Variants in DLC1 observed in about 807,000 individuals in gnomAD.
The protein encoded by DLC1 is DLC1 Rho GTPase activating protein.
DLC1 carries 54 observed loss-of-function variants against 140.3 expected under a neutral mutation model. That is an observed-to-expected ratio of 0.38 (90% CI 0.31 to 0.48). The LOEUF is 0.48. Among genes scored for constraint, DLC1 ranks in the 20% least tolerant of loss-of-function variants. The probability of loss-of-function intolerance (pLI) is 0.96; values close to 1 mark genes in which losing one functional copy is unlikely to be tolerated. For synonymous variants in DLC1, 986 were observed against 728.1 expected (o/e 1.35, Z -5.70); for missense variants, 2,536 against 1,907.0 (o/e 1.33, Z -6.14).
rs973808696 is a variant in DLC1, at chr8:13,419,999, G to A, written c.1024-18380C>T. On this transcript the variant is annotated intron_variant, in intron 2 of 17. Coordinates refer to ENST00000276297, the MANE Select transcript of DLC1 (RefSeq NM_182643.3). ...CTTCTAGATTTTCTAGTTTATTTGC[G>A]TAGAGGTGTTTGTAGTATTCTCTGA... is the stretch of plus-strand genomic sequence containing the variant. Among the ~76,000 whole-genome samples the A allele has an allele frequency of 2.0e-3, 299 of 152,206 alleles. 1 individual carries two copies. Among genetic ancestry groups the A allele is most frequent in the African/African-American group, 6.5e-3 (269 of 41,544 alleles).
At chr8:13,427,502 A>G (rs1266858119) in intron 2 of DLC1, among the ~76,000 whole-genome samples, 1 of 152,208 alleles carries the variant, frequency 6.6e-6, no homozygotes, top group Non-Finnish European at 1.5e-5. Flanking sequence ...ATTTAAAAGC[A>G]TCCCTGGATC....
chr8:13,285,073 A>T (rs9650361), intron 5 of DLC1, among the ~76,000 whole-genome samples: 7,897 of 152,280 alleles, frequency 0.052, 283 homozygotes, highest in South Asian at 0.084. Flanking sequence ...AAGGAGCCAA[A>T]ACAATTTTGA....
intron 2 of DLC1, among the ~76,000 whole-genome samples, chr8:13,409,951 T>C (rs371162849): frequency 6.6e-6 from 1 of 152,104 alleles, no homozygotes; most frequent in African/African-American, 2.4e-5. Flanking sequence ...ACAGCTAGGT[T>C]TGAGGAACAT....
intron 4 of DLC1, among the ~76,000 whole-genome samples, chr8:13,353,044 A>C (rs966995543): frequency 6.6e-6 from 1 of 152,140 alleles, no homozygotes; most frequent in Non-Finnish European, 1.5e-5. Flanking sequence ...TACCATATAT[A>C]TATAGTCCCA....
Position 13,099,475 on chromosome 8 carries a change from C to G in DLC1, c.2862G>C (p.Val954=). The G allele has an allele frequency of 1.2e-6, 2 of 1,614,136 alleles. No homozygotes were observed. The highest frequency in any genetic ancestry group is 1.7e-6 in the Non-Finnish European group (2 of 1,180,034). ...PSSPKQIHLD[V]DNDRTTPSDL... ...CGCTGGGTGTGGTTCGGTCGTTGTC[C>G]ACATCCAGGTGTATCTGTTTTGGAG... Residue 954 remains valine (V), a synonymous_variant, in exon 9 of 18, where the codon GTG becomes GTC. Coordinates refer to ENST00000276297, the MANE Select transcript of DLC1 (RefSeq NM_182643.3).
intron 4 of DLC1, among the ~76,000 whole-genome samples, chr8:13,354,358 T>C (rs1834822804): frequency 6.6e-6 from 1 of 152,128 alleles, no homozygotes; most frequent in East Asian, 1.9e-4. Context: ...TTGAGCTTGG[T>C]GAAAGCAGGG....
intron 1 of DLC1, among the ~76,000 whole-genome samples, chr8:13,559,576 A>G (rs1039054294): frequency 6.6e-6 from 1 of 152,218 alleles, no homozygotes; most frequent in African/African-American, 2.4e-5. Context: ...AATTATAATA[A>G]TATTCATTTT....
chr8:13,195,645 C>T (rs1207872103), intron 5 of DLC1, among the ~76,000 whole-genome samples: 1 of 152,022 alleles, frequency 6.6e-6, no homozygotes, highest in Non-Finnish European at 1.5e-5. Context: ...TTAAATATTG[C>T]CAATAGGTAG....
At chr8:13,327,641 A>G (rs1458855704) in intron 4 of DLC1, among the ~76,000 whole-genome samples, 1 of 151,912 alleles carries the variant, frequency 6.6e-6, no homozygotes, top group Non-Finnish European at 1.5e-5. Context: ...TGTTTCCTAT[A>G]TCCACTGCAT....
intron 5 of DLC1, among the ~76,000 whole-genome samples, chr8:13,274,695 A>AT (rs1831089026): frequency 6.6e-6 from 1 of 152,218 alleles, no homozygotes; most frequent in Admixed American, 6.5e-5. Flanking sequence ...GTCAAAGGCT[A>AT]TGTATGAAAA....
At chr8:13,257,949 G>A (rs573247319) in intron 5 of DLC1, among the ~76,000 whole-genome samples, 20 of 152,248 alleles carry the variant, frequency 1.3e-4, no homozygotes, top group Non-Finnish European at 2.6e-4. Flanking sequence ...AATTATAAGC[G>A]GGAAGTCATC....
chr8:13,569,245 C>G (rs1229863908), intron 1 of DLC1, among the ~76,000 whole-genome samples: 2 of 152,150 alleles, frequency 1.3e-5, no homozygotes, highest in Non-Finnish European at 2.9e-5. Context: ...ATGTCCAACA[C>G]CTGAATTATC....
At chr8:13,400,447 C>T (rs1419326094) in intron 3 of DLC1, among the ~76,000 whole-genome samples, 1 of 152,170 alleles carries the variant, frequency 6.6e-6, no homozygotes, top group Non-Finnish European at 1.5e-5. Flanking sequence ...CAGACCTTTA[C>T]ACTACAAAGT....
intron 1 of DLC1, among the ~76,000 whole-genome samples, chr8:13,500,726 T>C (rs527696978): frequency 6.6e-6 from 1 of 152,312 alleles, no homozygotes; most frequent in Admixed American, 6.5e-5. Flanking sequence ...ACGACCAGTA[T>C]GTAGTTACTC....
At chr8:13,229,649 GAA>G (rs1416052553) in intron 5 of DLC1, among the ~76,000 whole-genome samples, 1 of 150,552 alleles carries the variant, frequency 6.6e-6, no homozygotes, top group Non-Finnish European at 1.5e-5. Flanking sequence ...AAGAGAGAGA[GAA>G]AGAGAGAGAG....
intron 2 of DLC1, among the ~76,000 whole-genome samples, chr8:13,414,139 T>C (rs1037173851): frequency 9.9e-5 from 15 of 152,212 alleles, no homozygotes; most frequent in Non-Finnish European, 1.5e-5. Flanking sequence ...CTTTATAATA[T>C]ATTTTTCATA....
intron 1 of DLC1, among the ~76,000 whole-genome samples, chr8:13,506,610 C>CATATATATACACGTATATATATATATAT (rs1304836752): frequency 2.5e-5 from 3 of 118,570 alleles, no homozygotes; most frequent in African/African-American, 1.2e-4. Context: ...TATATATATA[C>CATATATATACACGTATATATATATATAT]ACATATATAT....
chr8:13,349,031 C>T (rs1325595869), intron 4 of DLC1, among the ~76,000 whole-genome samples: 4 of 152,014 alleles, frequency 2.6e-5, no homozygotes, highest in South Asian at 2.1e-4. Context: ...CACTAAGATT[C>T]GTAGATCTCC....
intron 1 of DLC1, among the ~76,000 whole-genome samples, chr8:13,576,926 T>A (rs1318986890): frequency 6.6e-6 from 1 of 151,886 alleles, no homozygotes; most frequent in Non-Finnish European, 1.5e-5. Context: ...GAGGAACATA[T>A]TAGTAATATC....
Sources: allele counts gnomAD v4.1 joint callset (sites outside exome capture counted in the v4.1 genomes callset), GRCh38; gene constraint gnomAD v4.1.1; transcripts MANE v1.5; gene names NCBI Gene and HGNC (gene_info 2026-07-23, HGNC 2026-07-21).